CPXM2: variants seen among roughly 807,000 people sequenced by gnomAD.
CPXM2 encodes carboxypeptidase X, M14 family member 2, also known as inactive carboxypeptidase-like protein X2.
Under a neutral mutation model 86.1 loss-of-function variants are expected in CPXM2, and 66 were observed. The observed-to-expected ratio is 0.77, with a 90% CI of 0.63 to 0.94. The LOEUF is 0.94. CPXM2 is among the 40% of genes least tolerant of loss of function. CPXM2 has a pLI of 0.00. For synonymous variants in CPXM2, 388 were observed against 400.2 expected (o/e 0.97, Z 0.36); for missense variants, 948 against 1,026.3 (o/e 0.92, Z 1.04).
intron 7 of CPXM2, among the ~76,000 whole-genome samples, chr10:123,774,296 G>A (rs947129368): frequency 7.9e-5 from 12 of 152,224 alleles, no homozygotes; most frequent in South Asian, 6.2e-4. Context: ...GGCCCACAGC[G>A]GGGTGGCGTG....
intron 1 of CPXM2, among the ~76,000 whole-genome samples, chr10:123,883,674 C>G (rs1417298487): frequency 2.0e-5 from 3 of 152,156 alleles, no homozygotes; most frequent in Non-Finnish European, 4.4e-5. Context: ...CTCTGCACAC[C>G]ATTTTATAGA....
chr10:123,751,798 CAA>C (rs1417810941), intron 13 of CPXM2: 25 of 985,236 alleles, frequency 2.5e-5, no homozygotes, highest in Non-Finnish European at 2.8e-5. Flanking sequence ...TGAAACAGAA[CAA>C]AGAGCCGTGT....
At chr10:123,772,339 G>A (rs1053430915) in intron 7 of CPXM2, among the ~76,000 whole-genome samples, 12 of 150,456 alleles carry the variant, frequency 8.0e-5, no homozygotes, top group East Asian at 2.0e-4. Context: ...TCACTCCCCC[G>A]TTTGCAGTTA....
intron 4 of CPXM2, among the ~76,000 whole-genome samples, chr10:123,839,222 C>G (rs918245494): frequency 6.6e-6 from 1 of 152,164 alleles, no homozygotes. Flanking sequence ...GAACAGGAAA[C>G]TGAGGGTCAC....
intron 1 of CPXM2, among the ~76,000 whole-genome samples, chr10:123,890,591 A>G (rs1382009679): frequency 2.0e-5 from 3 of 152,262 alleles, no homozygotes; most frequent in African/African-American, 7.2e-5. Flanking sequence ...CAATTTAAGC[A>G]AAGAACATTT....
chr10:123,809,057 GCT>G (rs1463242511), intron 4 of CPXM2, among the ~76,000 whole-genome samples: 1 of 152,070 alleles, frequency 6.6e-6, no homozygotes, highest in Non-Finnish European at 1.5e-5. Context: ...ACATCATCCT[GCT>G]CAGGACGTGA....
At chr10:123,855,430 G>A (rs920883019) in intron 3 of CPXM2, among the ~76,000 whole-genome samples, 3 of 152,306 alleles carry the variant, frequency 2.0e-5, no homozygotes, top group Non-Finnish European at 2.9e-5. Flanking sequence ...TCAAAGACAC[G>A]GGTGCAGGGC....
intron 6 of CPXM2, among the ~76,000 whole-genome samples, chr10:123,797,153 TG>T (rs1847351134): frequency 6.6e-6 from 1 of 152,198 alleles, no homozygotes; most frequent in Admixed American, 6.5e-5. Flanking sequence ...AAATATCTCA[TG>T]TGAAAATAAG....
At chr10:123,767,248 A>AAGTGG in intron 9 of CPXM2, 96 bp from the exon 10 acceptor site, 9 of 1,151,330 alleles carry the variant, frequency 7.8e-6, no homozygotes, top group Non-Finnish European at 1.1e-5. Context: ...CCCCTTGGGG[A>AAGTGG]ATGTCTCTAA....
chr10:123,750,806 T>C (rs910050470), intron 13 of CPXM2: 3 of 985,328 alleles, frequency 3.0e-6, no homozygotes, highest in Non-Finnish European at 3.6e-6. Flanking sequence ...TGCAGAGACA[T>C]GGATCTGCCT....
At chr10:123,858,425 G>C (rs1490963523) in intron 3 of CPXM2, among the ~76,000 whole-genome samples, 1 of 152,242 alleles carries the variant, frequency 6.6e-6, no homozygotes, top group African/African-American at 2.4e-5. Context: ...TCAGAAAAGA[G>C]AGATGTACAC....
At chr10:123,860,117 A>G (rs978999238) in intron 3 of CPXM2, among the ~76,000 whole-genome samples, 6 of 152,320 alleles carry the variant, frequency 3.9e-5, no homozygotes, top group East Asian at 1.9e-4. Context: ...CAACCCAAGG[A>G]AATAAGTAAA....
intron 4 of CPXM2, among the ~76,000 whole-genome samples, chr10:123,820,100 G>C (rs11248289): frequency 6.6e-6 from 1 of 152,076 alleles, no homozygotes; most frequent in African/African-American, 2.4e-5. Context: ...TTTGGGACTC[G>C]GACTGGCTTT....
intron 3 of CPXM2, among the ~76,000 whole-genome samples, chr10:123,856,752 C>A (rs532010465): frequency 6.6e-6 from 1 of 152,086 alleles, no homozygotes; most frequent in African/African-American, 2.4e-5. Flanking sequence ...CCACCACGCC[C>A]GGCTAATTTT....
intron 4 of CPXM2, among the ~76,000 whole-genome samples, chr10:123,799,600 A>T (rs569336884): frequency 1.3e-5 from 2 of 152,342 alleles, no homozygotes; most frequent in Non-Finnish European, 2.9e-5. Context: ...ATCTGGGTAA[A>T]GGTTGCAAAC....
intron 3 of CPXM2, among the ~76,000 whole-genome samples, chr10:123,857,906 G>A (rs1268472952): frequency 6.6e-6 from 1 of 151,886 alleles, no homozygotes; most frequent in East Asian, 2.0e-4. Flanking sequence ...GCACTCTGTG[G>A]TCAGGTGCTG....
chr10:123,891,053 G>A lies in CPXM2; in HGVS notation c.304+303C>T, dbSNP rs1945258997. ...TCCAGCAGAAAGACCCTTAGCTCAG[G>A]GGATTTCAAGCTTGAAACAAGAACT... On this transcript the variant is annotated intron_variant, in intron 1 of 13. Coordinates refer to ENST00000241305, the MANE Select transcript of CPXM2 (RefSeq NM_198148.3). The surrounding 1 kb of genome is among the most constrained non-coding windows in gnomAD (Gnocchi z 5.6). Among the ~76,000 whole-genome samples, 1 of 152,220 alleles carries A rather than the reference G, an allele frequency of 6.6e-6. No individual in the cohort carries two copies. Among genetic ancestry groups the A allele is most frequent in the South Asian group, 2.1e-4 (1 of 4,836 alleles).
intron 4 of CPXM2, among the ~76,000 whole-genome samples, chr10:123,803,117 CCTTTTTT>C (rs1847496377): frequency 1.6e-5 from 1 of 60,988 alleles, no homozygotes; most frequent in African/African-American, 4.2e-5. Flanking sequence ...TTTGTAGTAC[CCTTTTTT>C]TTTTTTTTTT....
chr10:123,870,328 G>C (rs559369205), intron 2 of CPXM2, among the ~76,000 whole-genome samples: 1 of 152,336 alleles, frequency 6.6e-6, no homozygotes, highest in African/African-American at 2.4e-5. Flanking sequence ...CTGGAGCCAA[G>C]ACAGGCATCC....
Sources: gnomAD v4.1 joint callset for allele counts (sites outside exome capture counted in the v4.1 genomes callset) on GRCh38, gnomAD v4.1.1 for gene constraint, Gnocchi (gnomAD v3.1) non-coding constraint, MANE v1.5 for transcripts, NCBI Gene and HGNC (gene_info 2026-07-23, HGNC 2026-07-21) for gene names.